The following TENM3 variants were observed in gnomAD, a reference collection of about 807,000 sequenced individuals.
TENM3 encodes teneurin transmembrane protein 3, also known as teneurin-3.
Under a neutral mutation model 255.1 loss-of-function variants are expected in TENM3, and 63 were observed. The observed-to-expected ratio is 0.25, with a 90% CI of 0.20 to 0.30. The LOEUF is 0.30. TENM3 is among the 10% of genes least tolerant of loss of function. The probability of loss-of-function intolerance (pLI) is 1.00; values close to 1 mark genes in which losing one functional copy is unlikely to be tolerated. For missense variants in TENM3, 2,929 were observed against 3,461.1 expected (o/e 0.85, Z 3.86); for synonymous variants, 1,306 against 1,322.3 (o/e 0.99, Z 0.27).
At chr4:182,554,641 G>T (rs1024875226) in intron 3 of TENM3, among the ~76,000 whole-genome samples, 4 of 152,052 alleles carry the variant, frequency 2.6e-5, no homozygotes, top group African/African-American at 9.7e-5. Flanking sequence ...TTTTACAGAT[G>T]AAAAATATGT....
intron 3 of TENM3, among the ~76,000 whole-genome samples, chr4:182,576,517 T>A (rs532885683): frequency 1.3e-5 from 2 of 152,326 alleles, no homozygotes; most frequent in East Asian, 3.9e-4. Context: ...TATGATGAGA[T>A]CTTGTGATGT....
At chr4:182,421,412 G>A (rs962436081) in intron 3 of TENM3, among the ~76,000 whole-genome samples, 1 of 152,090 alleles carries the variant, frequency 6.6e-6, no homozygotes, top group African/African-American at 2.4e-5. Context: ...CTAGATCAAC[G>A]TTTCTCCCCT....
At chr4:182,071,807 C>T in the TENM3 span, among the ~76,000 whole-genome samples, 2 of 152,174 alleles carry the variant, frequency 1.3e-5, no homozygotes, top group African/African-American at 4.8e-5. Context: ...ATCTGTCGAA[C>T]ACCAGGGATG....
chr4:181,451,071 T>C, the TENM3 span, among the ~76,000 whole-genome samples: 1 of 152,256 alleles, frequency 6.6e-6, no homozygotes, highest in South Asian at 2.1e-4. Flanking sequence ...GTCCAACATT[T>C]TACCTGAGTT....
rs1330758401 is a variant in TENM3 at position 182,793,823 on chromosome 4, T to G, written c.7151T>G (p.Leu2384Trp). 1.2e-6 allele frequency: 2 copies of G among 1,613,712 alleles called. No individual in the cohort carries two copies. The highest frequency in any genetic ancestry group is 2.7e-5 in the African/African-American group (2 of 74,894). ...RIGKDPAPFNLYMFRNNNPAS... is the reference protein window; with the variant it reads ...RIGKDPAPFNWYMFRNNNPAS... ...GGGAAGGACCCAGCTCCTTTTAACT[T>G]GTACATGTTTAGGAATAACAACCCT... Residue 2384 changes from leucine (L) to tryptophan (W), a missense_variant, in exon 26 of 28, where the codon TTG becomes TGG. Physicochemically the swap from Leu to Trp is moderately conservative, Grantham distance 61. Transcript: ENST00000511685. This position sits in a 1 kb window ranked among gnomAD's most constrained non-coding sequence, Gnocchi z 5.7.
rs1189979365 is a variant in TENM3, at chr4:182,323,868, C to A, written c.-75-78C>A. 3 of 623,002 alleles carry A rather than the reference C, an allele frequency of 4.8e-6. No individual in the cohort carries two copies. In the African/African-American group the frequency reaches 5.5e-5, roughly 11 times the overall value. 38.6% of individuals were successfully genotyped at this position (623,002 alleles called of 1,614,324 possible). A position where few individuals can be genotyped will look rare whatever the true frequency, so the allele number is the denominator to read the frequency against. ...GCAATACTATTGTTTCCTACCATCC[C>A]AGATTGAGAAGGGTAGAGAGTAGCC... On this transcript the variant is annotated intron_variant, in intron 1 of 27. Transcript: ENST00000511685.
the TENM3 span, among the ~76,000 whole-genome samples, chr4:181,978,503 G>A: frequency 7.9e-5 from 12 of 151,740 alleles, no homozygotes; most frequent in Admixed American, 3.3e-4. Flanking sequence ...AAAAATTAGC[G>A]AGGCATGGTG....
At chr4:181,824,585 A>T in the TENM3 span, among the ~76,000 whole-genome samples, 2 of 152,180 alleles carry the variant, frequency 1.3e-5, no homozygotes, top group African/African-American at 4.8e-5. Context: ...TTCCCATTTT[A>T]TATGACATGA....
chr4:181,605,563 AAAGAAAGAGAGAGAAAGAAAGG>A, the TENM3 span, among the ~76,000 whole-genome samples: 117 of 30,514 alleles, frequency 3.8e-3, 12 homozygotes, highest in African/African-American at 7.1e-3. Flanking sequence ...AGAAAGAAAG[AAAGAAAGAGAGAGAAAGAAAGG>A]AAAGAAAGAA....
chr4:182,283,539 A>T (rs77195758), intron 1 of TENM3, among the ~76,000 whole-genome samples: 1 of 152,166 alleles, frequency 6.6e-6, no homozygotes, highest in Admixed American at 6.5e-5. Context: ...ATAAAGATAT[A>T]TATGTAAATG....
At chr4:181,629,761 C>T in the TENM3 span, among the ~76,000 whole-genome samples, 7 of 152,158 alleles carry the variant, frequency 4.6e-5, no homozygotes, top group Non-Finnish European at 8.8e-5. Flanking sequence ...AGGATTTTTG[C>T]ATCGATGTTC....
chr4:182,728,910 T>C (rs1760451816), intron 13 of TENM3, 55 bp from the exon 14 acceptor site: 2 of 1,382,464 alleles, frequency 1.4e-6, no homozygotes, highest in Non-Finnish European at 2.0e-6. Flanking sequence ...AAACTGATTC[T>C]ACATTATGGC....
the TENM3 span, among the ~76,000 whole-genome samples, chr4:181,657,559 G>A: frequency 4.4e-4 from 67 of 152,154 alleles, no homozygotes; most frequent in South Asian, 4.2e-4. Flanking sequence ...GAATTAGTTC[G>A]GCCACTGCAG....
In TENM3 at chr4:182,237,434, C is replaced by T. The variant is rs143170607; in HGVS notation, c.-75-86512C>T. Among the ~76,000 whole-genome samples, 11 of 149,256 alleles carry T rather than the reference C, an allele frequency of 7.4e-5. No individual in the cohort carries two copies. In the East Asian group the frequency reaches 2.0e-3, roughly 27 times the overall value. The stretch of plus-strand genomic sequence containing the variant: ...AGGCTGGGGTGCAATGGTGCTATCT[C>T]GGCTCACTGTAACTTCTGCCTCCTG... On this transcript the variant is annotated intron_variant, in intron 1 of 2. Coordinates refer to the TENM3 transcript ENST00000512480.
chr4:182,037,441 C>A, the TENM3 span, among the ~76,000 whole-genome samples: 1 of 152,172 alleles, frequency 6.6e-6, no homozygotes, highest in Non-Finnish European at 1.5e-5. Flanking sequence ...AGCCACCATG[C>A]CTGGCCAAAC....
rs116366289 is a variant in TENM3 at position 182,305,081 on chromosome 4, C to T, written c.-75-18865C>T. ...AAAGCTGAGCTTTGCTGCTTGTGAA[C>T]GTGGTATCTTTGGCTACCACTGAGG... On this transcript the variant is annotated intron_variant, in intron 1 of 27. Transcript: ENST00000511685. 5.1e-3 allele frequency among the ~76,000 whole-genome samples: 774 copies of T among 152,010 alleles called. 9 individuals carry two copies. Among genetic ancestry groups the T allele is most frequent in the African/African-American group, 0.018 (738 of 41,440 alleles).
At chr4:181,833,525 TCCAAA>T in the TENM3 span, among the ~76,000 whole-genome samples, 1 of 152,106 alleles carries the variant, frequency 6.6e-6, no homozygotes, top group African/African-American at 2.4e-5. Context: ...CAGGATAAAA[TCCAAA>T]CTCATTTCCA....
chr4:181,536,862 A>G, the TENM3 span, among the ~76,000 whole-genome samples: 1 of 152,190 alleles, frequency 6.6e-6, no homozygotes, highest in Non-Finnish European at 1.5e-5. Flanking sequence ...AAAGTGTAGT[A>G]TTAATTTGCA....
the TENM3 span, among the ~76,000 whole-genome samples, chr4:181,613,712 G>C: frequency 7.2e-5 from 11 of 152,188 alleles, no homozygotes; most frequent in Non-Finnish European, 1.3e-4. Context: ...GAATCATGTT[G>C]ATTTATTCAG....
Sources: gnomAD v4.1 joint callset for allele counts (sites outside exome capture counted in the v4.1 genomes callset) on GRCh38, gnomAD v4.1.1 for gene constraint, Gnocchi (gnomAD v3.1) non-coding constraint, MANE v1.5 for transcripts, NCBI Gene and HGNC (gene_info 2026-07-23, HGNC 2026-07-21) for gene names.